ARFGEF3: variants seen among roughly 807,000 people sequenced by gnomAD.
ARFGEF3 encodes brefeldin A-inhibited guanine nucleotide-exchange protein 3.
A neutral mutation model predicts 221.7 loss-of-function variants in ARFGEF3; 96 were observed. That is an observed-to-expected ratio of 0.43 (90% CI 0.37 to 0.51). ARFGEF3 has a LOEUF of 0.51. Ranked by LOEUF, ARFGEF3 falls within the 20% of genes least tolerant of loss-of-function variation. The pLI is 0.00. For synonymous variants in ARFGEF3, 1,145 were observed against 1,126.8 expected, an observed-to-expected ratio of 1.02 and a Z score of -0.32; for missense variants, 2,410 against 2,789.9, an observed-to-expected ratio of 0.86 and a Z score of 3.07.
In ARFGEF3 at chr6:138,287,189, C is replaced by A; in HGVS notation, c.2896+5C>A. On this transcript the variant is annotated splice_donor_5th_base_variant and intron_variant, in intron 17 of 33. Coordinates refer to ENST00000251691, the MANE Select transcript of ARFGEF3 (RefSeq NM_020340.5). ...CCAGTGATGCCATCACACAAGGTAA[C>A]AACTGGAGGGCCAGAACCCACCTGG... The A allele has an allele frequency of 6.4e-7, 1 of 1,556,442 alleles. No individual in the cohort carries two copies. Among genetic ancestry groups the A allele is most frequent in the East Asian group, 2.4e-5 (1 of 41,404 alleles).
rs377290005 is a variant in ARFGEF3 at position 138,292,059 on chromosome 6, C to G, written c.3368+6C>G. 7.1e-7 allele frequency: 1 copy of G among 1,411,568 alleles called. No individual in the cohort carries two copies. The highest frequency in any genetic ancestry group is 9.2e-7 in the Non-Finnish European group (1 of 1,085,584). 87.4% of individuals were successfully genotyped at this position (1,411,568 alleles called of 1,614,324 possible). On this transcript the variant is annotated splice_donor_region_variant and intron_variant, in intron 19 of 33. Transcript: ENST00000251691. ...CTCTCCACGCAAGCCGACAGGTGCG[C>G]GGCGCCGGCCTCCCACGCCCCGGGA...
chr6:138,282,242 G>T (rs1289815069), intron 14 of ARFGEF3, among the ~76,000 whole-genome samples: 5 of 151,978 alleles, frequency 3.3e-5, no homozygotes, highest in Middle Eastern at 6.8e-3. Context: ...GGCGTGAGCC[G>T]CCGCACCCAC....
At chr6:138,219,793 CGTGT>C (rs141714713) in intron 4 of ARFGEF3, among the ~76,000 whole-genome samples, 1 of 149,096 alleles carries the variant, frequency 6.7e-6, no homozygotes, top group African/African-American at 2.5e-5. Context: ...CATAGATGTG[CGTGT>C]GTGTGTGTGT....
At chr6:138,196,131 T>C (rs755881900) in intron 2 of ARFGEF3, among the ~76,000 whole-genome samples, 7 of 152,232 alleles carry the variant, frequency 4.6e-5, no homozygotes, top group Non-Finnish European at 1.0e-4. Flanking sequence ...AGGCATGAGC[T>C]CAGGGGTCTG....
At chr6:138,186,155 T>A (rs1777178132) in intron 2 of ARFGEF3, among the ~76,000 whole-genome samples, 1 of 152,204 alleles carries the variant, frequency 6.6e-6, no homozygotes, top group Admixed American at 6.5e-5. Context: ...GATTGCAGCT[T>A]TCACCCTTGG....
At chr6:138,213,133 A>G (rs1353830902) in intron 4 of ARFGEF3, among the ~76,000 whole-genome samples, 1 of 151,872 alleles carries the variant, frequency 6.6e-6, no homozygotes, top group Non-Finnish European at 1.5e-5. Flanking sequence ...CTAAAAATAC[A>G]AAAAATTAGC....
At chr6:138,165,295 G>A (rs1488695457) in intron 1 of ARFGEF3, among the ~76,000 whole-genome samples, 1 of 149,508 alleles carries the variant, frequency 6.7e-6, no homozygotes, top group African/African-American at 2.5e-5. Flanking sequence ...CCTTGATTTA[G>A]ACCCTCATAA....
intron 2 of ARFGEF3, among the ~76,000 whole-genome samples, chr6:138,197,322 C>A (rs183416267): frequency 6.6e-6 from 1 of 152,298 alleles, no homozygotes; most frequent in Non-Finnish European, 1.5e-5. Context: ...CCAATGGCTT[C>A]TTCTGGAATG....
intron 2 of ARFGEF3, among the ~76,000 whole-genome samples, chr6:138,195,654 C>T (rs374621738): frequency 1.1e-4 from 17 of 152,300 alleles, no homozygotes; most frequent in Middle Eastern, 3.4e-3. Context: ...TTACATTATA[C>T]ATAAAGATAC....
intron 22 of ARFGEF3, among the ~76,000 whole-genome samples, chr6:138,303,820 C>T (rs1410947970): frequency 7.5e-6 from 1 of 133,422 alleles, no homozygotes; most frequent in Non-Finnish European, 1.5e-5. Context: ...CAAGATCGTG[C>T]CATTGCGCCC....
At chr6:138,256,660 T>C (rs1778687514) in intron 10 of ARFGEF3, among the ~76,000 whole-genome samples, 1 of 152,212 alleles carries the variant, frequency 6.6e-6, no homozygotes, top group African/African-American at 2.4e-5. Flanking sequence ...TTAATGACTG[T>C]TAAGAAAATC....
intron 2 of ARFGEF3, among the ~76,000 whole-genome samples, chr6:138,179,821 T>G (rs1582997352): frequency 1.3e-5 from 2 of 152,258 alleles, no homozygotes; most frequent in South Asian, 4.1e-4. Context: ...TTGTTTGTTT[T>G]GTTTTTTAGA....
At chr6:138,222,477 A>G (rs2114520494) in intron 4 of ARFGEF3, among the ~76,000 whole-genome samples, 2 of 152,224 alleles carry the variant, frequency 1.3e-5, no homozygotes, top group Non-Finnish European at 2.9e-5. Context: ...GGGGACGTTT[A>G]GCAATTCCTG....
intron 5 of ARFGEF3, among the ~76,000 whole-genome samples, chr6:138,231,600 A>G (rs1778193232): frequency 6.6e-6 from 1 of 152,232 alleles, no homozygotes; most frequent in Non-Finnish European, 1.5e-5. Context: ...TAAATGTGAA[A>G]TGTTTGCCAT....
chr6:138,233,684 C>A (rs1231255224), intron 5 of ARFGEF3, among the ~76,000 whole-genome samples: 1 of 152,116 alleles, frequency 6.6e-6, no homozygotes, highest in African/African-American at 2.4e-5. Context: ...GCCAATACTT[C>A]TTTTACTCTG....
At chr6:138,271,433 A>G (rs1779000994) in intron 12 of ARFGEF3, among the ~76,000 whole-genome samples, 1 of 152,238 alleles carries the variant, frequency 6.6e-6, no homozygotes, top group South Asian at 2.1e-4. Flanking sequence ...AATAATAATG[A>G]TGATAATAAT....
chr6:138,175,127 G>A (rs1283099966), intron 2 of ARFGEF3, among the ~76,000 whole-genome samples: 1 of 152,188 alleles, frequency 6.6e-6, no homozygotes, highest in East Asian at 1.9e-4. Context: ...CTGATGAAAT[G>A]CTCACTCTTA....
intron 1 of ARFGEF3, among the ~76,000 whole-genome samples, chr6:138,167,383 G>A (rs746729713): frequency 1.7e-4 from 26 of 152,190 alleles, no homozygotes; most frequent in African/African-American, 5.5e-4. Flanking sequence ...CGCACACCCC[G>A]CAACTTAGCT....
intron 10 of ARFGEF3, among the ~76,000 whole-genome samples, chr6:138,257,394 G>C (rs187635907): frequency 6.6e-6 from 1 of 152,172 alleles, no homozygotes; most frequent in African/African-American, 2.4e-5. Flanking sequence ...TCACCAGTCC[G>C]ATCAGGGGCT....
Sources: gnomAD v4.1 joint callset for allele counts (sites outside exome capture counted in the v4.1 genomes callset) on GRCh38, gnomAD v4.1.1 for gene constraint, MANE v1.5 for transcripts, NCBI Gene and HGNC (gene_info 2026-07-23, HGNC 2026-07-21) for gene names.